SLC12A8: variants seen among roughly 807,000 people sequenced by gnomAD.
SLC12A8 encodes the protein cation-chloride cotransporter 9.
Under a neutral mutation model 75.6 loss-of-function variants are expected in SLC12A8, and 69 were observed. The observed-to-expected ratio is 0.91, with a 90% CI of 0.75 to 1.11. The LOEUF is 1.11. SLC12A8 is among the 50% of genes most tolerant of loss of function. The pLI is 0.00. For synonymous variants in SLC12A8, 365 were observed against 372.8 expected, an observed-to-expected ratio of 0.98 and a Z score of 0.24; for missense variants, 877 against 896.7, an observed-to-expected ratio of 0.98 and a Z score of 0.28.
chr3:125,159,866 C>G (rs546155947), intron 5 of SLC12A8, among the ~76,000 whole-genome samples: 2 of 152,338 alleles, frequency 1.3e-5, no homozygotes, highest in East Asian at 3.9e-4. Flanking sequence ...AGATTTGACT[C>G]TATGAACAGA....
intron 5 of SLC12A8, among the ~76,000 whole-genome samples, chr3:125,170,386 A>G (rs77338446): frequency 0.023 from 3,536 of 152,354 alleles, 65 homozygotes; most frequent in Middle Eastern, 0.061. Context: ...CTAAATACTC[A>G]TCAGTAAGCT....
intron 2 of SLC12A8, 56 bp from the exon 3 acceptor site, chr3:125,190,577 G>T: frequency 6.3e-7 from 1 of 1,593,352 alleles, no homozygotes; most frequent in Non-Finnish European, 8.6e-7. Flanking sequence ...GCCAGGGATG[G>T]CATGAGAGTG....
rs1360778251 is a variant in SLC12A8 at position 125,110,254 on chromosome 3, G to A, written c.994C>T (p.Pro332Ser). The change falls in exon 9 of 14, where the codon CCC becomes TCC. Residue 332 changes from proline (P) to serine (S), a missense_variant. Transcript: ENST00000469902. ...ASCMGGLYGAPRILQCIAQEK... is the reference protein window; with the variant it reads ...ASCMGGLYGASRILQCIAQEK... ...TGGGCAATGCACTGCAGGATGCGGG[G>A]AGCTCCATAAAGTCCTCCCATGCAG... is the stretch of plus-strand genomic sequence containing the variant. The A allele has an allele frequency of 9.3e-6, 15 of 1,613,938 alleles. No individual in the cohort carries two copies. The highest frequency in any genetic ancestry group is 1.3e-5 in the Non-Finnish European group (15 of 1,179,964).
intron 11 of SLC12A8, 77 bp downstream of exon 11, chr3:125,092,024 C>G: frequency 9.8e-7 from 1 of 1,017,282 alleles, no homozygotes; most frequent in Non-Finnish European, 1.5e-6. Flanking sequence ...TCTTTCCTCC[C>G]CCACAGCCCA....
chr3:125,117,681 C>T (rs982101681), intron 8 of SLC12A8, among the ~76,000 whole-genome samples: 1 of 152,152 alleles, frequency 6.6e-6, no homozygotes, highest in African/African-American at 2.4e-5. Context: ...AACTCCCTAA[C>T]CAACTACATT....
At chr3:125,207,989 C>A (rs1038442713) in intron 2 of SLC12A8, among the ~76,000 whole-genome samples, 1 of 152,224 alleles carries the variant, frequency 6.6e-6, no homozygotes, top group Non-Finnish European at 1.5e-5. Context: ...GGTCCACTCA[C>A]CCCATCACAT....
chr3:125,107,053 T>C (rs990127866), intron 10 of SLC12A8, among the ~76,000 whole-genome samples: 2 of 152,188 alleles, frequency 1.3e-5, no homozygotes, highest in Admixed American at 1.3e-4. Flanking sequence ...CCACCTTCTG[T>C]CCATCCCCTC....
intron 2 of SLC12A8, among the ~76,000 whole-genome samples, chr3:125,197,502 G>A (rs1935030081): frequency 1.3e-5 from 2 of 152,158 alleles, no homozygotes. Context: ...CTGTTGCCCA[G>A]GCTGGTCTCA....
At position 125,160,135 on chromosome 3, in the gene SLC12A8, A is replaced by G. The variant is rs185397528; in HGVS notation, c.622+17608T>C. On this transcript the variant is annotated intron_variant, in intron 5 of 13. Coordinates refer to ENST00000469902, the MANE Select transcript of SLC12A8 (RefSeq NM_024628.6). Reference sequence around the variant, plus strand: ...TTTTTAAAATGTTTTCTAGAGATGAAGTCTCACTGTATTGCCTAGGCTGGT... The same window carrying G: ...TTTTTAAAATGTTTTCTAGAGATGAGGTCTCACTGTATTGCCTAGGCTGGT... Among the ~76,000 whole-genome samples, 241 of 152,164 alleles carry G rather than the reference A, an allele frequency of 1.6e-3. 3 individuals carry two copies. In the South Asian group the frequency reaches 0.016, roughly 10 times the overall value.
intron 9 of SLC12A8, 99 bp from the exon 10 acceptor site, chr3:125,108,225 C>A: frequency 8.6e-7 from 1 of 1,167,128 alleles, no homozygotes; most frequent in East Asian, 2.4e-5. Flanking sequence ...CATAATGACT[C>A]AGCCACTTCT....
At chr3:125,135,269 ACTTATTCCACCTGTGGAAAGAGCGG>A (rs1371927548) in intron 6 of SLC12A8, among the ~76,000 whole-genome samples, 1 of 152,216 alleles carries the variant, frequency 6.6e-6, no homozygotes, top group African/African-American at 2.4e-5. Flanking sequence ...CCAGGTATGC[ACTTATTCCACCTGTGGAAAGAGCGG>A]CTTGTCCTGC....
intron 2 of SLC12A8, among the ~76,000 whole-genome samples, chr3:125,205,880 C>A (rs921381266): frequency 2.6e-5 from 4 of 152,138 alleles, no homozygotes; most frequent in Non-Finnish European, 4.4e-5. Flanking sequence ...GGGGTCATGG[C>A]TCTAGGAATC....
chr3:125,176,654 AG>A (rs1934535137), intron 5 of SLC12A8, among the ~76,000 whole-genome samples: 3 of 152,276 alleles, frequency 2.0e-5, no homozygotes, highest in African/African-American at 2.4e-5. Flanking sequence ...CCTATCAAAA[AG>A]GGGGCAAAGG....
intron 2 of SLC12A8, among the ~76,000 whole-genome samples, chr3:125,201,308 TGG>T (rs1203984187): frequency 6.6e-6 from 1 of 151,898 alleles, no homozygotes; most frequent in Non-Finnish European, 1.5e-5. Context: ...GAGGCTGAGG[TGG>T]GAGGATCCCT....
chr3:125,166,058 A>G (rs1014309885), intron 5 of SLC12A8, among the ~76,000 whole-genome samples: 2 of 152,134 alleles, frequency 1.3e-5, no homozygotes, highest in Non-Finnish European at 2.9e-5. Context: ...TTCCGCTTCC[A>G]AACCAGCACA....
Position 125,082,934 on chromosome 3 carries a change from ATTG to A in SLC12A8, c.*953_*955del, listed in dbSNP as rs1230802487. On this transcript the variant is annotated 3_prime_UTR_variant, in exon 14 of 14. Transcript: ENST00000469902. Reference sequence around the variant, plus strand: ...TTGATATGAAATGTCTCCAAGATAGATTGTTAAGGGAAAAAAGCAAGGTGCAGA... The same window carrying A: ...TTGATATGAAATGTCTCCAAGATAGATTAAGGGAAAAAAGCAAGGTGCAGA... The A allele has an allele frequency of 6.6e-6, 1 of 152,228 alleles. No individual in the cohort carries two copies. The highest frequency in any genetic ancestry group is 2.4e-5 in the African/African-American group (1 of 41,468). The allele number at this position is 152,228 out of a possible 1,614,324, so 9.4% of individuals were successfully genotyped here. A position where few individuals can be genotyped will look rare whatever the true frequency, so the allele number is the denominator to read the frequency against.
intron 2 of SLC12A8, among the ~76,000 whole-genome samples, chr3:125,202,657 G>A (rs1392577948): frequency 7.9e-5 from 9 of 113,768 alleles, no homozygotes; most frequent in Non-Finnish European, 1.1e-4. Flanking sequence ...TTTTAAATCT[G>A]TATCTAATGA....
In SLC12A8 at chr3:125,110,298, T is replaced by A; in HGVS notation, c.950A>T (p.Tyr317Phe). 1 of 1,613,948 alleles carries A rather than the reference T, an allele frequency of 6.2e-7. No homozygotes were observed. Among genetic ancestry groups the A allele is most frequent in the Non-Finnish European group, 8.5e-7 (1 of 1,179,926 alleles). ...CATGCAGGAAGCCAGGGACGAGATGTATAAGCCCAAAAGGAACAGGAAGCC... is the reference window on the plus strand; with the variant it reads ...CATGCAGGAAGCCAGGGACGAGATGAATAAGCCCAAAAGGAACAGGAAGCC... ...LMGFLFLLGLYISSLASCMGG... is the reference protein window; with the variant it reads ...LMGFLFLLGLFISSLASCMGG... The change falls in exon 9 of 14, where the codon TAC (tyrosine) becomes TTC (phenylalanine). Residue 317 changes from tyrosine to phenylalanine, a missense_variant. Physicochemically the swap from Tyr to Phe is conservative, Grantham distance 22 (BLOSUM62 3). Coordinates refer to ENST00000469902, the MANE Select transcript of SLC12A8 (RefSeq NM_024628.6).
In SLC12A8 at chr3:125,199,002, T is replaced by A. The variant is rs577688565; in HGVS notation, c.52-8481A>T. ...ACCGTGTTAGCCAGGATGGTCTCGA[T>A]CTCCTGACCTCGTGATCCACCCTCC... On this transcript the variant is annotated intron_variant, in intron 2 of 13. Transcript: ENST00000469902. Among the ~76,000 whole-genome samples the A allele has an allele frequency of 1.6e-3, 240 of 152,078 alleles. 4 individuals are homozygous for A. The highest frequency in any genetic ancestry group is 0.013 in the Admixed American group (205 of 15,268).
Sources: gnomAD v4.1 joint callset for allele counts (sites outside exome capture counted in the v4.1 genomes callset) on GRCh38, gnomAD v4.1.1 for gene constraint, MANE v1.5 for transcripts, NCBI Gene and HGNC (gene_info 2026-07-23, HGNC 2026-07-21) for gene names.